The following NTRK3 variants were observed in gnomAD, a reference collection of about 807,000 sequenced individuals.
NTRK3 encodes NT-3 growth factor receptor.
A neutral mutation model predicts 91.7 loss-of-function variants in NTRK3; 24 were observed. That is an observed-to-expected ratio of 0.26 (90% CI 0.19 to 0.37). NTRK3 has a LOEUF of 0.37. NTRK3 is among the 10% of genes least tolerant of loss of function. NTRK3 has a pLI of 1.00. For missense variants in NTRK3, 880 were observed against 1,068.9 expected (o/e 0.82, Z 2.46); for synonymous variants, 483 against 404.0 (o/e 1.20, Z -2.34).
exon 19 of NTRK3, chr15:87,868,507 GAA>G: frequency 4.6e-6 from 1 of 219,558 alleles, no homozygotes; most frequent in East Asian, 6.7e-5. Context: ...AAATCTCAGA[GAA>G]AATTGTTATC....
chr15:88,256,381 G>C (rs2054059985), exon 2 of NTRK3: 1 of 628,084 alleles, frequency 1.6e-6, no homozygotes, highest in Non-Finnish European at 2.8e-6. Flanking sequence ...GGAGCCGCGA[G>C]GAGCGCCTAG....
chr15:88,007,866 C>G (rs991885175), intron 14 of NTRK3, among the ~76,000 whole-genome samples: 2 of 152,152 alleles, frequency 1.3e-5, no homozygotes, highest in Admixed American at 1.3e-4. Flanking sequence ...GAATAGGACC[C>G]CTAACGTGCC....
chr15:87,938,596 G>A (rs960456813), intron 15 of NTRK3, among the ~76,000 whole-genome samples: 7 of 152,194 alleles, frequency 4.6e-5, no homozygotes, highest in Non-Finnish European at 1.0e-4. Context: ...TGCATTACTC[G>A]GTCTGGGTAC....
chr15:88,004,576 G>C (rs541888932), intron 14 of NTRK3, among the ~76,000 whole-genome samples: 2 of 152,274 alleles, frequency 1.3e-5, no homozygotes, highest in African/African-American at 4.8e-5. Flanking sequence ...TTGGAAAAAA[G>C]AACACATTGT....
chr15:88,209,451 T>TC (rs1223704782), intron 3 of NTRK3, among the ~76,000 whole-genome samples: 4 of 152,174 alleles, frequency 2.6e-5, no homozygotes, highest in Non-Finnish European at 4.4e-5. Context: ...CAGAGACCAG[T>TC]CAGGAAAACG....
chr15:88,083,008 A>C (rs145283679), intron 13 of NTRK3, among the ~76,000 whole-genome samples: 1 of 152,212 alleles, frequency 6.6e-6, no homozygotes, highest in African/African-American at 2.4e-5. Context: ...TTCAAGGCCA[A>C]CATACTTTGG....
chr15:88,032,160 G>A (rs1262969403), intron 14 of NTRK3, among the ~76,000 whole-genome samples: 1 of 152,080 alleles, frequency 6.6e-6, no homozygotes, highest in Non-Finnish European at 1.5e-5. Context: ...CACAGCAGGA[G>A]GAACCCTGCT....
At chr15:88,244,622 C>A (rs908605392) in intron 3 of NTRK3, among the ~76,000 whole-genome samples, 8 of 152,186 alleles carry the variant, frequency 5.3e-5, no homozygotes, top group Non-Finnish European at 1.0e-4. Context: ...TCAGGACAGG[C>A]TCAACAGCCC....
In NTRK3 at chr15:88,235,670, G is replaced by C. The variant is rs1408751137; in HGVS notation, c.248+20236C>G. ...CTGGCTTCCACAGTGTCACAGAGAA[G>C]AAGGGAGCTCTGAGAGGACCCTAGG... is the stretch of plus-strand genomic sequence containing the variant. On this transcript the variant is annotated intron_variant, in intron 3 of 18. Coordinates refer to ENST00000394480, the Ensembl canonical transcript of NTRK3. The surrounding 1 kb of genome is among the most constrained non-coding windows in gnomAD (Gnocchi z 5.2). Among the ~76,000 whole-genome samples the C allele has an allele frequency of 2.6e-5, 4 of 152,224 alleles. No homozygotes were observed. Among genetic ancestry groups the C allele is most frequent in the Non-Finnish European group, 5.9e-5 (4 of 68,026 alleles).
chr15:87,965,146 A>C (rs991735469), intron 14 of NTRK3, among the ~76,000 whole-genome samples: 8 of 152,280 alleles, frequency 5.3e-5, no homozygotes, highest in African/African-American at 1.7e-4. Flanking sequence ...TACATAAAAA[A>C]GATTAGAAGG....
At chr15:88,126,448 C>T in intron 12 of NTRK3, 75 bp from the exon 13 acceptor site, 1 of 908,678 alleles carries the variant, frequency 1.1e-6, no homozygotes, top group Admixed American at 1.9e-5. Flanking sequence ...TGTGTGTGCC[C>T]AGATAAGAAC....
exon 19 of NTRK3, chr15:87,871,503 C>G (rs577418052): frequency 1.1e-4 from 26 of 230,454 alleles, no homozygotes; most frequent in African/African-American, 4.4e-4. Flanking sequence ...GGCGTCTATA[C>G]CAACCCCCAA....
intron 17 of NTRK3, among the ~76,000 whole-genome samples, chr15:87,882,996 A>C (rs183338205): frequency 1.5e-4 from 23 of 152,056 alleles, no homozygotes; most frequent in Admixed American, 1.2e-3. Context: ...GTTATTTAAA[A>C]TAGACATGTC....
chr15:87,874,896 G>A (rs950866016), exon 19 of NTRK3: 1 of 232,340 alleles, frequency 4.3e-6, no homozygotes, highest in African/African-American at 2.2e-5. Flanking sequence ...TCAGGGGCTA[G>A]GAGCACAGCA....
At chr15:88,021,028 C>T (rs548202591) in intron 14 of NTRK3, among the ~76,000 whole-genome samples, 9 of 152,274 alleles carry the variant, frequency 5.9e-5, no homozygotes, top group South Asian at 4.1e-4. Context: ...TGCCTGGAAA[C>T]GAGGAATGCA....
chr15:88,154,705 A>G (rs1236658443), intron 5 of NTRK3, among the ~76,000 whole-genome samples: 1 of 152,200 alleles, frequency 6.6e-6, no homozygotes, highest in Non-Finnish European at 1.5e-5. Context: ...TATGGGCTCT[A>G]CCAGGGTTTC....
At chr15:88,155,435 G>A (rs897314709) in intron 5 of NTRK3, among the ~76,000 whole-genome samples, 1 of 152,334 alleles carries the variant, frequency 6.6e-6, no homozygotes, top group African/African-American at 2.4e-5. Context: ...CACTTTGACT[G>A]TAGCCTGATG....
intron 13 of NTRK3, among the ~76,000 whole-genome samples, chr15:88,091,797 T>C (rs567687463): frequency 6.6e-6 from 1 of 152,272 alleles, no homozygotes; most frequent in South Asian, 2.1e-4. Context: ...CTCAGACACT[T>C]TTTATCTCCA....
At chr15:88,236,768 T>TAAAAA (rs375701404) in intron 3 of NTRK3, among the ~76,000 whole-genome samples, 1 of 111,216 alleles carries the variant, frequency 9.0e-6, no homozygotes, top group Non-Finnish European at 2.0e-5. Context: ...CTACCAAAAT[T>TAAAAA]AAAAAAAAAA....
Sources: allele counts gnomAD v4.1 joint callset (sites outside exome capture counted in the v4.1 genomes callset), GRCh38; gene constraint gnomAD v4.1.1; non-coding constraint Gnocchi (gnomAD v3.1); transcripts MANE v1.5; gene names NCBI Gene and HGNC (gene_info 2026-07-23, HGNC 2026-07-21).